NDUFA11: variants seen among roughly 807,000 people sequenced by gnomAD.
NDUFA11 encodes NADH dehydrogenase [ubiquinone] 1 alpha subcomplex subunit 11.
In NDUFA11, 14 loss-of-function variants were observed where a neutral mutation model predicts 11.3. The observed-to-expected ratio is 1.24, with a 90% CI of 0.82 to 1.94. The LOEUF (loss-of-function observed/expected upper bound fraction) is 1.94, where lower values mean the gene tolerates loss of function less well. Among genes scored for constraint, NDUFA11 ranks in the 30% most tolerant of loss-of-function variants. The probability of loss-of-function intolerance (pLI) is 0.00; values close to 1 mark genes in which losing one functional copy is unlikely to be tolerated. For synonymous variants in NDUFA11, 87 were observed against 85.6 expected, an observed-to-expected ratio of 1.02 and a Z score of -0.09; for missense variants, 204 against 200.3, an observed-to-expected ratio of 1.02 and a Z score of -0.11.
intron 1 of NDUFA11, among the ~76,000 whole-genome samples, chr19:5,897,280 C>T (rs1454601199): frequency 6.6e-6 from 1 of 152,190 alleles, no homozygotes; most frequent in African/African-American, 2.4e-5. Flanking sequence ...GCTGGGCGCC[C>T]ATCAGCCATG....
intron 1 of NDUFA11, among the ~76,000 whole-genome samples, chr19:5,899,210 C>A (rs1013898087): frequency 6.9e-6 from 1 of 145,526 alleles, no homozygotes; most frequent in Non-Finnish European, 1.5e-5. Context: ...AGTGCAGTGG[C>A]GCTATCTCGG....
At chr19:5,893,087 A>T (rs563761118), downstream of NDUFA11, 196 of 1,536,062 alleles carry the variant, frequency 1.3e-4, no homozygotes, top group African/African-American at 1.6e-3. The surrounding 1 kb of genome is among the most constrained non-coding windows in gnomAD (Gnocchi z 4.1). Flanking sequence ...GAGCTGTTGC[A>T]TGCCCCCCTT....
chr19:5,893,068 C>T (rs932807149), downstream of NDUFA11: 46 of 1,535,962 alleles, frequency 3.0e-5, no homozygotes, highest in South Asian at 5.9e-5. This position sits in a 1 kb window ranked among gnomAD's most constrained non-coding sequence, Gnocchi z 4.1. Flanking sequence ...CGGAAGTGGA[C>T]GTGACCCTGA....
rs1466725790 is a variant in NDUFA11 at position 5,896,454 on chromosome 19, G to C, written c.312C>G (p.Arg104=). 6.4e-7 allele frequency: 1 copy of C among 1,570,598 alleles called. No individual in the cohort carries two copies. The highest frequency in any genetic ancestry group is 2.3e-5 in the East Asian group (1 of 43,482). ...GGGGGTGGGGAGGGGGCCACTCACT[G>C]CGTGCTCCCAGAGTCAGGCCTCCGG... ...GCAGGLTLGA[R]THNYGIGAAA... The change falls in exon 3 of 4, where the codon CGC becomes CGG. Residue 104 remains arginine (R), a splice_region_variant and synonymous_variant. Transcript: ENST00000308961. This position sits in a 1 kb window ranked among gnomAD's most constrained non-coding sequence, Gnocchi z 5.8.
In NDUFA11 at chr19:5,896,991, G is replaced by A; in HGVS notation, c.104C>T (p.Thr35Ile). The change falls in exon 2 of 4, where the codon ACC becomes ATC. Residue 35 changes from threonine to isoleucine, a missense_variant. Physicochemically the swap from Thr to Ile is moderately conservative, Grantham distance 89. Transcript: ENST00000308961. The surrounding 1 kb of genome is among the most constrained non-coding windows in gnomAD (Gnocchi z 5.8). Reference protein sequence around the residue: ...TTSIASVAGLTAAAYRVTLNP... With the variant: ...TTSIASVAGLIAAAYRVTLNP... ...GAGTGTGACTCTGTAGGCAGCGGCG[G>A]TCAGGCCTGCGAGACAGAGGAGGGA... The A allele has an allele frequency of 6.2e-7, 1 of 1,613,922 alleles. No homozygotes were observed. The highest frequency in any genetic ancestry group is 8.5e-7 in the Non-Finnish European group (1 of 1,179,902).
intron 1 of NDUFA11, chr19:5,901,332 G>A: frequency 2.3e-6 from 3 of 1,286,070 alleles, no homozygotes; most frequent in Non-Finnish European, 2.0e-6. Flanking sequence ...CCTCGATAAG[G>A]ACCTGATGGG....
At chr19:5,903,412 G>A (rs2057657970) in intron 1 of NDUFA11, among the ~76,000 whole-genome samples, 200 bp downstream of exon 1, 1 of 152,016 alleles carries the variant, frequency 6.6e-6, no homozygotes, top group Admixed American at 6.6e-5. Context: ...CGACCTCCCA[G>A]TGCTCCCCAA....
In NDUFA11 at chr19:5,900,935, G is replaced by C. The variant is rs185295951; in HGVS notation, c.97+2677C>G. On this transcript the variant is annotated intron_variant, in intron 1 of 3. Transcript: ENST00000308961. ...CAAAAAAAAAAAAAAAAAGAAAAAAGAAAAAAGAAAAATTTAGGGAGAATG... is the reference window on the plus strand; with the variant it reads ...CAAAAAAAAAAAAAAAAAGAAAAAACAAAAAAGAAAAATTTAGGGAGAATG... 1.5e-3 allele frequency among the ~76,000 whole-genome samples: 221 copies of C among 149,374 alleles called. 1 individual carries two copies. In the East Asian group the frequency reaches 0.024, roughly 17 times the overall value.
chr19:5,893,997 C>A (rs2057592334), downstream of NDUFA11, among the ~76,000 whole-genome samples: 1 of 152,236 alleles, frequency 6.6e-6, no homozygotes. The surrounding 1 kb of genome is among the most constrained non-coding windows in gnomAD (Gnocchi z 4.1). Flanking sequence ...TCCTCTCCAG[C>A]TGCCAGGGAG....
intron 1 of NDUFA11, chr19:5,899,879 C>T (rs541327035): frequency 3.3e-5 from 5 of 152,264 alleles, no homozygotes; most frequent in African/African-American, 9.6e-5. Context: ...CAAGAGGGAA[C>T]CACCGACAAG....
At chr19:5,892,903 G>A, downstream of NDUFA11, 1 of 1,436,642 alleles carries the variant, frequency 7.0e-7, no homozygotes, top group African/African-American at 1.4e-5. Flanking sequence ...TCTGAGGACA[G>A]AACAAGGAAA....
chr19:5,896,900 C>CCT lies in NDUFA11; in HGVS notation c.190+4_190+5insAG. On this transcript the variant is annotated splice_donor_region_variant and intron_variant, in intron 2 of 3. Coordinates refer to ENST00000308961, the MANE Select transcript of NDUFA11 (RefSeq NM_175614.5). This position sits in a 1 kb window ranked among gnomAD's most constrained non-coding sequence, Gnocchi z 5.8. The stretch of plus-strand genomic sequence containing the variant: ...GCCCAGCCATGCCCAGCCCAGCGTG[C>CCT]TCACCTGCAGTGAACGTGTATTGTC... 1.2e-6 allele frequency: 2 copies of CCT among 1,612,034 alleles called. No individual in the cohort carries two copies. Among genetic ancestry groups the CCT allele is most frequent in the Non-Finnish European group, 1.7e-6 (2 of 1,178,226 alleles).
intron 1 of NDUFA11, chr19:5,902,744 C>T (rs2057653648): frequency 1.3e-5 from 2 of 152,898 alleles, no homozygotes; most frequent in African/African-American, 4.8e-5. Flanking sequence ...CATGGTGGCT[C>T]ACGCCTGTAA....
intron 1 of NDUFA11, 120 bp from the exon 2 acceptor site, chr19:5,897,117 T>C (rs2057615329): frequency 2.5e-6 from 2 of 814,062 alleles, no homozygotes; most frequent in Non-Finnish European, 4.2e-6. Flanking sequence ...TCTTTGCCCA[T>C]AGTGTCCCCG....
intron 1 of NDUFA11, chr19:5,901,606 G>C (rs2057645839): frequency 7.4e-6 from 3 of 407,548 alleles, no homozygotes; most frequent in Non-Finnish European, 1.3e-5. Context: ...GAAATACAGA[G>C]TTGACCAAAT....
intron 1 of NDUFA11, among the ~76,000 whole-genome samples, chr19:5,903,010 CAAAAAAAAAAAA>C (rs545310981): frequency 4.8e-5 from 5 of 103,986 alleles, no homozygotes; most frequent in Non-Finnish European, 5.6e-5. Context: ...GGCTCTGTCT[CAAAAAAAAAAAA>C]AAAAAAGGAG....
chr19:5,899,299 G>A (rs1278022164), intron 1 of NDUFA11, among the ~76,000 whole-genome samples: 4 of 151,266 alleles, frequency 2.6e-5, no homozygotes, highest in East Asian at 2.0e-4. Context: ...ACAGGCGCCC[G>A]CCACCACGCC....
At position 5,903,650 on chromosome 19, in the gene NDUFA11, C is replaced by A. The variant is rs143941062; in HGVS notation, c.59G>T (p.Arg20Leu). The A allele has an allele frequency of 1.9e-6, 3 of 1,551,272 alleles. No individual in the cohort carries two copies. Among genetic ancestry groups the A allele is most frequent in the African/African-American group, 1.4e-5 (1 of 73,054 alleles). ...AATACTGGTGGTGCTGTAGGCTTTG[C>A]GGTGGCAATCGGTGCCATCGGGGAT... ...WDIPDGTDCH[R>L]KAYSTTSIAS... The change falls in exon 1 of 4, where the codon CGC (arginine) becomes CTC (leucine). Residue 20 changes from arginine (R) to leucine (L), a missense_variant. By Grantham distance (102) the Arg-to-Leu change is moderately radical (BLOSUM62 -2). Transcript: ENST00000308961.
chr19:5,900,357 T>TCA (rs2144958170), intron 1 of NDUFA11, among the ~76,000 whole-genome samples: 1 of 152,310 alleles, frequency 6.6e-6, no homozygotes, highest in South Asian at 2.1e-4. Flanking sequence ...ATTCATTCAC[T>TCA]CACAAATGGT....
Sources: allele counts gnomAD v4.1 joint callset (sites outside exome capture counted in the v4.1 genomes callset), GRCh38; gene constraint gnomAD v4.1.1; non-coding constraint Gnocchi (gnomAD v3.1); transcripts MANE v1.5; gene names NCBI Gene and HGNC (gene_info 2026-07-23, HGNC 2026-07-21).